Variants in PDE11A observed in about 807,000 individuals in gnomAD.
PDE11A encodes dual 3',5'-cyclic-AMP and -GMP phosphodiesterase 11A.
Under a neutral mutation model 100.5 loss-of-function variants are expected in PDE11A, and 100 were observed. The ratio of observed to expected loss-of-function variants is 1.00; its 90% CI spans 0.85 to 1.18. The LOEUF (loss-of-function observed/expected upper bound fraction) is 1.18, where lower values mean the gene tolerates loss of function less well. Ranked by LOEUF, PDE11A falls within the 50% of genes most tolerant of loss-of-function variation. The pLI, the probability that PDE11A is intolerant of heterozygous loss-of-function variation, is 0.00. For missense variants in PDE11A, 1,141 were observed against 1,152.6 expected (o/e 0.99, Z 0.15); for synonymous variants, 381 against 420.8 (o/e 0.91, Z 1.16).
At chr2:178,013,472 C>G (rs151021774) in intron 2 of PDE11A, among the ~76,000 whole-genome samples, 1 of 152,134 alleles carries the variant, frequency 6.6e-6, no homozygotes, top group Non-Finnish European at 1.5e-5. Flanking sequence ...CCTTCTGTGC[C>G]AGAACATTTG....
At chr2:177,882,976 A>G (rs377311853) in intron 4 of PDE11A, among the ~76,000 whole-genome samples, 6 of 152,296 alleles carry the variant, frequency 3.9e-5, no homozygotes, top group African/African-American at 1.4e-4. Flanking sequence ...TGGCAAAAGA[A>G]TGAATTAAAT....
At chr2:177,761,648 G>A (rs1018207262) in intron 10 of PDE11A, among the ~76,000 whole-genome samples, 2 of 152,176 alleles carry the variant, frequency 1.3e-5, no homozygotes, top group Non-Finnish European at 2.9e-5. Flanking sequence ...AAGGACAGCA[G>A]GAATGACTTC....
chr2:178,065,296 T>C (rs2087029294), intron 1 of PDE11A, among the ~76,000 whole-genome samples: 2 of 152,232 alleles, frequency 1.3e-5, no homozygotes, highest in African/African-American at 2.4e-5. Flanking sequence ...TTTGTATGAC[T>C]CTTCAACATT....
chr2:177,956,976 C>T lies in PDE11A; in HGVS notation c.1072-51789G>A, dbSNP rs576573365. ...AAATGACGAGTTAATGGGTGCAGCA[C>T]GCCAACATGGCACATGTATACATAT... On this transcript the variant is annotated intron_variant, in intron 2 of 19. Transcript: ENST00000286063. Among the ~76,000 whole-genome samples the T allele has an allele frequency of 7.4e-4, 112 of 151,846 alleles. 1 individual carries two copies. The Middle Eastern group carries it at 0.01, about 14-fold the overall frequency.
intron 1 of PDE11A, among the ~76,000 whole-genome samples, chr2:178,056,251 C>G (rs1427587845): frequency 2.0e-5 from 3 of 152,054 alleles, no homozygotes; most frequent in Non-Finnish European, 4.4e-5. Flanking sequence ...TATTTCTTTT[C>G]TGTATACAAA....
At chr2:178,038,048 A>G (rs1299768953) in intron 1 of PDE11A, among the ~76,000 whole-genome samples, 1 of 150,676 alleles carries the variant, frequency 6.6e-6, no homozygotes, top group East Asian at 1.9e-4. Flanking sequence ...TAAAAAAAAA[A>G]TTGCTAAGGG....
Position 177,648,622 on chromosome 2 carries a change from A to T in PDE11A, c.2646+15244T>A, listed in dbSNP as rs187040445. ...CTAGAAAATATTGAAAAAGAATAAT[A>T]AGGAAGGTGAAACTAGGATTATGAG... On this transcript the variant is annotated intron_variant, in intron 19 of 19. Transcript: ENST00000286063. Among the ~76,000 whole-genome samples, 43 of 152,272 alleles carry T rather than the reference A, an allele frequency of 2.8e-4. No homozygotes were observed. In the East Asian group the frequency reaches 8.3e-3, roughly 29 times the overall value.
chr2:177,999,867 G>A (rs2086122676), intron 2 of PDE11A, among the ~76,000 whole-genome samples: 1 of 152,048 alleles, frequency 6.6e-6, no homozygotes, highest in Non-Finnish European at 1.5e-5. Context: ...AGCATCTCTG[G>A]GTAGCTCTAA....
intron 19 of PDE11A, among the ~76,000 whole-genome samples, chr2:177,659,314 T>C (rs11680632): frequency 1.3e-5 from 2 of 148,588 alleles, no homozygotes; most frequent in Admixed American, 1.3e-4. Flanking sequence ...AAAATCAAAG[T>C]TTACTGTAAA....
chr2:178,011,206 T>C (rs2086270186), intron 2 of PDE11A, among the ~76,000 whole-genome samples: 1 of 152,092 alleles, frequency 6.6e-6, no homozygotes, highest in Admixed American at 6.6e-5. Context: ...ATATTTGGCT[T>C]TTCTCTCAGT....
At chr2:177,769,626 G>A (rs1373722513) in intron 9 of PDE11A, among the ~76,000 whole-genome samples, 5 of 152,102 alleles carry the variant, frequency 3.3e-5, no homozygotes, top group South Asian at 2.1e-4. Flanking sequence ...AGTGCTTCGC[G>A]CCTGTAATCC....
chr2:177,743,606 G>C (rs73030331), intron 10 of PDE11A, among the ~76,000 whole-genome samples: 1,974 of 152,330 alleles, frequency 0.013, 41 homozygotes, highest in African/African-American at 0.045. Flanking sequence ...CCCTTGAAGA[G>C]AAATTAAAAG....
chr2:177,651,208 A>G (rs1473568501), intron 19 of PDE11A, among the ~76,000 whole-genome samples: 2 of 152,198 alleles, frequency 1.3e-5, no homozygotes, highest in African/African-American at 2.4e-5. Context: ...TCTTTGTGAG[A>G]CAGGAAGCTT....
chr2:177,805,882 T>C (rs1304777754), intron 9 of PDE11A, among the ~76,000 whole-genome samples: 1 of 152,152 alleles, frequency 6.6e-6, no homozygotes, highest in Non-Finnish European at 1.5e-5. Context: ...TTTAAAGCTG[T>C]CAAAGAGTGA....
intron 12 of PDE11A, among the ~76,000 whole-genome samples, chr2:177,718,318 C>T (rs770609660): frequency 2.4e-4 from 36 of 152,330 alleles, no homozygotes; most frequent in Middle Eastern, 3.4e-3. Context: ...GGTAGCCTGG[C>T]TCCCCAGTCT....
chr2:177,722,589 G>C (rs1333037365), intron 12 of PDE11A, among the ~76,000 whole-genome samples: 1 of 152,136 alleles, frequency 6.6e-6, no homozygotes, highest in Non-Finnish European at 1.5e-5. Flanking sequence ...AAGAAAAATA[G>C]AAACCTTTTT....
chr2:177,721,551 A>T (rs1045718971), intron 12 of PDE11A, among the ~76,000 whole-genome samples: 7 of 152,188 alleles, frequency 4.6e-5, no homozygotes, highest in Non-Finnish European at 8.8e-5. Context: ...ATGCATTTTA[A>T]AAGGAACCAA....
intron 5 of PDE11A, among the ~76,000 whole-genome samples, chr2:177,866,548 T>G (rs553706549): frequency 1.3e-4 from 20 of 152,230 alleles, no homozygotes; most frequent in Non-Finnish European, 2.8e-4. Context: ...AATATTGGCA[T>G]GTGTTCTTTG....
chr2:177,911,205 C>A (rs1436217831), intron 2 of PDE11A, among the ~76,000 whole-genome samples: 1 of 152,112 alleles, frequency 6.6e-6, no homozygotes, highest in African/African-American at 2.4e-5. Context: ...TGAATAAACT[C>A]TTCAAGTAGA....
Sources: allele counts gnomAD v4.1 joint callset (sites outside exome capture counted in the v4.1 genomes callset), GRCh38; gene constraint gnomAD v4.1.1; transcripts MANE v1.5; gene names NCBI Gene and HGNC (gene_info 2026-07-23, HGNC 2026-07-21).